AMZ1: variants seen among roughly 807,000 people sequenced by gnomAD.
AMZ1 encodes the protein archaemetzincin-1.
In AMZ1, 39 loss-of-function variants were observed where a neutral mutation model predicts 29.9. That is an observed-to-expected ratio of 1.30 (90% CI 1.01 to 1.70). The LOEUF (loss-of-function observed/expected upper bound fraction) is 1.70. AMZ1 is among the 40% of genes most tolerant of loss of function. The probability of loss-of-function intolerance (pLI) is 0.00; values close to 1 mark genes in which losing one functional copy is unlikely to be tolerated. For missense variants in AMZ1, 1,041 were observed against 680.6 expected, an observed-to-expected ratio of 1.53 and a Z score of -5.89; for synonymous variants, 458 against 304.0, an observed-to-expected ratio of 1.51 and a Z score of -5.27.
intron 3 of AMZ1, among the ~76,000 whole-genome samples, chr7:2,707,205 G>A (rs961794253): frequency 4.8e-4 from 73 of 151,974 alleles, no homozygotes; most frequent in African/African-American, 1.3e-3. Context: ...CCTGGGAGGC[G>A]GAGGTTACAG....
upstream of AMZ1, among the ~76,000 whole-genome samples, chr7:2,686,850 G>A (rs1220104798): frequency 1.3e-5 from 2 of 151,952 alleles, no homozygotes; most frequent in Non-Finnish European, 2.9e-5. Context: ...GAGTAGCTGG[G>A]ACTATAGGCA....
intron 4 of AMZ1, among the ~76,000 whole-genome samples, chr7:2,750,547 C>A (rs1426807997): frequency 6.6e-6 from 1 of 152,148 alleles, no homozygotes; most frequent in Non-Finnish European, 1.5e-5. Flanking sequence ...GTAAGGTTAA[C>A]AATAAAACAG....
At chr7:2,762,601 G>A, upstream of AMZ1, 1 of 1,521,070 alleles carries the variant, frequency 6.6e-7, no homozygotes, top group Non-Finnish European at 8.8e-7. Context: ...CCCAAAAAAG[G>A]ACAATCCCCT....
Position 2,713,997 on chromosome 7 carries a change from T to A in AMZ1, c.*1119T>A, listed in dbSNP as rs1788969955. 1 of 152,228 alleles carries A rather than the reference T, an allele frequency of 6.6e-6. No individual in the cohort carries two copies. The highest frequency in any genetic ancestry group is 2.1e-4 in the South Asian group (1 of 4,824). The allele number at this position is 152,228 out of a possible 1,614,324, so 9.4% of individuals were successfully genotyped here. ...GGGCGTTTGATCTGTCTCCCTTTAGTTTTGCCGGATTTTGCTTCCTGCACT... is the reference window on the plus strand; with the variant it reads ...GGGCGTTTGATCTGTCTCCCTTTAGATTTGCCGGATTTTGCTTCCTGCACT... On this transcript the variant is annotated 3_prime_UTR_variant, in exon 7 of 7. Transcript: ENST00000683327.
At chr7:2,694,077 A>G (rs1787562601) in intron 1 of AMZ1, among the ~76,000 whole-genome samples, 1 of 152,184 alleles carries the variant, frequency 6.6e-6, no homozygotes, top group Admixed American at 6.5e-5. Flanking sequence ...ACTGGGCCAC[A>G]GGGTGCCTGA....
intron 4 of AMZ1, among the ~76,000 whole-genome samples, chr7:2,724,811 C>T (rs767539444): frequency 9.9e-5 from 15 of 152,186 alleles, no homozygotes; most frequent in African/African-American, 3.1e-4. Flanking sequence ...AGCCACGTGC[C>T]GAGGCTGCCG....
At chr7:2,711,505 C>A (rs966785868) in intron 6 of AMZ1, among the ~76,000 whole-genome samples, 4 of 152,200 alleles carry the variant, frequency 2.6e-5, no homozygotes, top group Admixed American at 1.3e-4. Context: ...TGTACAGATG[C>A]AGGAGAGGAG....
chr7:2,738,579 G>C (rs1790332921), intron 4 of AMZ1, among the ~76,000 whole-genome samples: 1 of 152,080 alleles, frequency 6.6e-6, no homozygotes. Flanking sequence ...ATTTGGAAAA[G>C]GAAACGTGGA....
chr7:2,704,966 A>G (rs1032338728), intron 3 of AMZ1, among the ~76,000 whole-genome samples: 1 of 152,194 alleles, frequency 6.6e-6, no homozygotes, highest in African/African-American at 2.4e-5. Flanking sequence ...GTCCATGAAC[A>G]TAGTTGCTTG....
chr7:2,686,391 A>G (rs1401509859), upstream of AMZ1, among the ~76,000 whole-genome samples: 1 of 152,080 alleles, frequency 6.6e-6, no homozygotes, highest in Non-Finnish European at 1.5e-5. Context: ...AAAATTAGCC[A>G]GGTGTGATGG....
Position 2,712,604 on chromosome 7 carries a change from A to G in AMZ1, c.1223A>G (p.Glu408Gly). 6.2e-7 allele frequency: 1 copy of G among 1,612,808 alleles called. No homozygotes were observed. Among genetic ancestry groups the G allele is most frequent in the East Asian group, 2.2e-5 (1 of 44,878 alleles). Residue 408 changes from glutamate to glycine, a missense_variant, in exon 7 of 7, where the codon GAA (glutamate) becomes GGA (glycine). By Grantham distance (98) the Glu-to-Gly change is moderately conservative. Transcript: ENST00000683327. ...CCTGCGGAGGCCATCAAGGAGCATG[A>G]ACGGTGGCTGGCCATGTGCATCCAG... ...GGPAEAIKEH[E>G]RWLAMCIQAL...
rs554528743 is a variant in AMZ1, at chr7:2,744,568, A to G, written n.551-20144A>G. Among the ~76,000 whole-genome samples, 29 of 152,348 alleles carry G rather than the reference A, an allele frequency of 1.9e-4. No individual in the cohort carries two copies. The East Asian group carries it at 2.7e-3, about 14-fold the overall frequency. ...GGTAGAAAAGACCACAAAGATGGGG[A>G]AAAAACAGAGCAGAAAAACTGGAAA... On this transcript the variant is annotated intron_variant and non_coding_transcript_variant, in intron 4 of 4. Coordinates refer to the AMZ1 transcript ENST00000489665.
In AMZ1 at chr7:2,718,223, G is replaced by A. The variant is rs1221603701; in HGVS notation, c.*5345G>A. Among the ~76,000 whole-genome samples, 1 of 152,204 alleles carries A rather than the reference G, an allele frequency of 6.6e-6. No individual in the cohort carries two copies. Among genetic ancestry groups the A allele is most frequent in the Non-Finnish European group, 1.5e-5 (1 of 68,020 alleles). On this transcript the variant is annotated 3_prime_UTR_variant, in exon 7 of 7. Coordinates refer to ENST00000683327, the MANE Select transcript of AMZ1 (RefSeq NM_001384743.1). ...ATGGAGTCACGTGGCTCCACCCTGG[G>A]GCTCCTCTGATGCCGAGAGCTCTGG...
At chr7:2,753,486 G>C (rs1791136394) in intron 4 of AMZ1, among the ~76,000 whole-genome samples, 1 of 152,130 alleles carries the variant, frequency 6.6e-6, no homozygotes, top group Non-Finnish European at 1.5e-5. Context: ...TAATGTCCTT[G>C]GGATCTGCTC....
At chr7:2,685,553 C>G (rs543609519), upstream of AMZ1, among the ~76,000 whole-genome samples, 1 of 135,114 alleles carries the variant, frequency 7.4e-6, no homozygotes, top group African/African-American at 3.1e-5. Context: ...GAGTGAGACT[C>G]CGTCTCAAAA....
chr7:2,702,608 A>T, intron 2 of AMZ1, 114 bp from the exon 3 acceptor site: 1 of 1,202,312 alleles, frequency 8.3e-7, no homozygotes, highest in Non-Finnish European at 1.1e-6. Context: ...CTGTCAGGGT[A>T]GGTCCACATT....
intron 4 of AMZ1, among the ~76,000 whole-genome samples, chr7:2,755,255 G>A (rs748694672): frequency 3.3e-5 from 5 of 152,192 alleles, no homozygotes; most frequent in African/African-American, 4.8e-5. Context: ...GTGCCTTTCC[G>A]CATACATTTT....
Position 2,708,725 on chromosome 7 carries a change from G to A in AMZ1, c.601+9G>A. ...GTTCCTTCCAGGGCACGGTGAGCCG[G>A]GGCCCCAGCAGCTGTGCGTGGGGGG... On this transcript the variant is annotated intron_variant, in intron 4 of 6. Coordinates refer to ENST00000683327, the MANE Select transcript of AMZ1 (RefSeq NM_001384743.1). The A allele has an allele frequency of 6.2e-7, 1 of 1,612,170 alleles. No homozygotes were observed. The highest frequency in any genetic ancestry group is 1.1e-5 in the South Asian group (1 of 91,054).
Position 2,731,240 on chromosome 7 carries a change from A to G in AMZ1, n.550+21424A>G, listed in dbSNP as rs1274321284. On this transcript the variant is annotated intron_variant and non_coding_transcript_variant, in intron 4 of 4. Coordinates refer to the AMZ1 transcript ENST00000489665. This position sits in a 1 kb window ranked among gnomAD's most constrained non-coding sequence, Gnocchi z 6.0. ...AGGATGGTGTCTTTCACAGCATGGA[A>G]CACGAAGCGGACGTTCTCGGTGTCG... is the stretch of plus-strand genomic sequence containing the variant. 7 of 1,612,638 alleles carry G rather than the reference A, an allele frequency of 4.3e-6. No individual in the cohort carries two copies. Among genetic ancestry groups the G allele is most frequent in the African/African-American group, 1.3e-5 (1 of 74,432 alleles).
Sources: allele counts gnomAD v4.1 joint callset (sites outside exome capture counted in the v4.1 genomes callset), GRCh38; gene constraint gnomAD v4.1.1; non-coding constraint Gnocchi (gnomAD v3.1); transcripts MANE v1.5; gene names NCBI Gene and HGNC (gene_info 2026-07-23, HGNC 2026-07-21).